Variants in PRH1 observed in about 807,000 individuals in gnomAD.
The protein encoded by PRH1 is salivary acidic proline-rich phosphoprotein 1/2.
PRH1 carries 7 observed loss-of-function variants against 7.9 expected under a neutral mutation model. That is an observed-to-expected ratio of 0.89 (90% confidence interval 0.50 to 1.67). The LOEUF (loss-of-function observed/expected upper bound fraction) is 1.67, where lower values mean the gene tolerates loss of function less well. Ranked by LOEUF, PRH1 falls within the 40% of genes most tolerant of loss-of-function variation. PRH1 has a pLI of 0.00. For synonymous variants in PRH1, 45 were observed against 80.8 expected (o/e 0.56, Z 2.38); for missense variants, 109 against 223.6 (o/e 0.49, Z 3.27).
Position 11,148,692 on chromosome 12 carries a change from T to C in PRH1, n.39+22730A>G, listed in dbSNP as rs199506463. ...TGTGCTGCTGGATTCGGTTTGCCAG[T>C]ATTTTATTGAGGATTTTTGCATCAA... On this transcript the variant is annotated intron_variant and non_coding_transcript_variant, in intron 1 of 1. Transcript: ENST00000541175. 3.5e-5 allele frequency among the ~76,000 whole-genome samples: 4 copies of C among 115,324 alleles called. No individual in the cohort carries two copies. In the East Asian group the frequency reaches 6.2e-4, roughly 18 times the overall value. The allele number at this position is 115,324 out of a possible 152,430, so 75.7% of individuals were successfully genotyped here.
At chr12:10,915,832 T>C (rs1949964884) in intron 2 of PRH1, among the ~76,000 whole-genome samples, 1 of 152,188 alleles carries the variant, frequency 6.6e-6, no homozygotes, top group Non-Finnish European at 1.5e-5. Context: ...AGCATCCCCA[T>C]CGCGTTCCCT....
chr12:11,122,051 GGTCA>G (rs1945925477), intron 1 of PRH1, among the ~76,000 whole-genome samples: 2 of 152,240 alleles, frequency 1.3e-5, no homozygotes, highest in African/African-American at 4.8e-5. Context: ...CATAATTTAT[GGTCA>G]GTGTTGTTAT....
At position 10,996,960 on chromosome 12, in the gene PRH1, G is replaced by A. The variant is rs370989074; in HGVS notation, c.-125-23239C>T. 5.6e-6 allele frequency: 9 copies of A among 1,609,946 alleles called. No homozygotes were observed. In the African/African-American group the frequency reaches 1.1e-4, roughly 19 times the overall value. On this transcript the variant is annotated intron_variant, in intron 1 of 3. Coordinates refer to the PRH1 transcript ENST00000539853. ...CTCTTGTGAATCTATGGAGTTGACT[G>A]GTTCTGTCCTTTTGCCCAGCAAGTC... is the stretch of plus-strand genomic sequence containing the variant.
At chr12:11,023,080 T>C (rs574047343) in intron 1 of PRH1, among the ~76,000 whole-genome samples, 15 of 152,300 alleles carry the variant, frequency 9.8e-5, no homozygotes, top group Middle Eastern at 3.4e-3. Context: ...ATGGACTTAT[T>C]TTTATGCCAG....
chr12:11,107,907 A>C (rs1945472536), intron 1 of PRH1, among the ~76,000 whole-genome samples: 1 of 152,236 alleles, frequency 6.6e-6, no homozygotes, highest in Admixed American at 6.5e-5. Context: ...TGAAAGCAGC[A>C]AAAGAAAAGG....
intron 1 of PRH1, among the ~76,000 whole-genome samples, chr12:10,998,321 A>T (rs1394662932): frequency 2.6e-5 from 4 of 152,174 alleles, no homozygotes; most frequent in African/African-American, 9.7e-5. Flanking sequence ...GATGACACAA[A>T]AAATATATTG....
intron 1 of PRH1, among the ~76,000 whole-genome samples, chr12:11,070,416 T>C (rs1047540015): frequency 2.7e-5 from 4 of 147,566 alleles, no homozygotes; most frequent in African/African-American, 9.9e-5. Flanking sequence ...GGCTGAATCA[T>C]GGGAAAAGGA....
intron 1 of PRH1, among the ~76,000 whole-genome samples, chr12:11,009,729 C>T (rs1449787732): frequency 6.6e-6 from 1 of 151,946 alleles, no homozygotes; most frequent in Non-Finnish European, 1.5e-5. Flanking sequence ...TGGAAAACAG[C>T]TTGTCTGTTG....
chr12:11,033,775 A>G (rs1942325316), intron 1 of PRH1, among the ~76,000 whole-genome samples: 1 of 152,208 alleles, frequency 6.6e-6, no homozygotes, highest in African/African-American at 2.4e-5. Context: ...TGAGACGAGT[A>G]ATAATAATTT....
chr12:10,979,438 A>T (rs1366992946), intron 1 of PRH1, among the ~76,000 whole-genome samples: 1 of 152,202 alleles, frequency 6.6e-6, no homozygotes, highest in Non-Finnish European at 1.5e-5. Flanking sequence ...GGCATATTCA[A>T]GAAGTGACAC....
chr12:11,016,985 C>T (rs2136055789), intron 1 of PRH1, among the ~76,000 whole-genome samples: 1 of 152,318 alleles, frequency 6.6e-6, no homozygotes, highest in East Asian at 1.9e-4. Flanking sequence ...TATCTGGCCT[C>T]TACCAAAACC....
chr12:11,020,363 G>GATATATATATATATATATATATACAT (rs1941546434), intron 1 of PRH1, among the ~76,000 whole-genome samples: 1 of 87,584 alleles, frequency 1.1e-5, no homozygotes, highest in Non-Finnish European at 2.3e-5. Context: ...TATGATAAGC[G>GATATATATATATATATATATATACAT]ATATATATAT....
chr12:10,931,814 G>A (rs1378946145), intron 2 of PRH1, among the ~76,000 whole-genome samples: 1 of 151,444 alleles, frequency 6.6e-6, no homozygotes, highest in Non-Finnish European at 1.5e-5. Flanking sequence ...AGTGTTTATT[G>A]GTTAGTTTTT....
At chr12:10,935,571 C>A (rs916602095) in intron 2 of PRH1, among the ~76,000 whole-genome samples, 1 of 152,064 alleles carries the variant, frequency 6.6e-6, no homozygotes. Flanking sequence ...TTGTACTTCT[C>A]CTCTACTCAG....
At chr12:11,083,950 T>TA (rs1326291735) in intron 1 of PRH1, among the ~76,000 whole-genome samples, 1 of 42,764 alleles carries the variant, frequency 2.3e-5, no homozygotes, top group Admixed American at 2.9e-4. Context: ...ACAATTAAGT[T>TA]CCCTTCAAAG....
intron 2 of PRH1, 58 bp downstream of exon 2, chr12:10,883,003 C>A (rs143437075): frequency 5.7e-6 from 9 of 1,574,220 alleles, no homozygotes; most frequent in Non-Finnish European, 7.9e-6. Context: ...CTGGAGAACT[C>A]ATCAATTTTT....
intron 2 of PRH1, among the ~76,000 whole-genome samples, chr12:10,955,867 G>T (rs1437569243): frequency 6.6e-6 from 1 of 151,898 alleles, no homozygotes; most frequent in Non-Finnish European, 1.5e-5. Context: ...AACCTTTCAA[G>T]ACTGAATCAG....
chr12:10,983,981 C>G (rs958105020), intron 1 of PRH1, among the ~76,000 whole-genome samples: 4 of 152,052 alleles, frequency 2.6e-5, no homozygotes, highest in Non-Finnish European at 5.9e-5. Flanking sequence ...GTTATTTATG[C>G]ATTTTTCTGT....
intron 2 of PRH1, chr12:10,938,097 T>C (rs923237549): frequency 1.6e-5 from 9 of 575,092 alleles, no homozygotes; most frequent in Middle Eastern, 4.5e-4. Flanking sequence ...ATATACATAC[T>C]TTCATATATC....
Sources: gnomAD v4.1 joint callset for allele counts (sites outside exome capture counted in the v4.1 genomes callset) on GRCh38, gnomAD v4.1.1 for gene constraint, MANE v1.5 for transcripts, NCBI Gene and HGNC (gene_info 2026-07-23, HGNC 2026-07-21) for gene names.